DOK6: variants seen among roughly 807,000 people sequenced by gnomAD.
DOK6 encodes docking protein 6.
Under a neutral mutation model 44.0 loss-of-function variants are expected in DOK6, and 22 were observed. The ratio of observed to expected loss-of-function variants is 0.50; its 90% CI spans 0.36 to 0.71. The LOEUF is 0.71. Ranked by LOEUF, DOK6 falls within the 30% of genes least tolerant of loss-of-function variation. The pLI, the probability that DOK6 is intolerant of heterozygous loss-of-function variation, is 0.00. For synonymous variants in DOK6, 166 were observed against 145.5 expected, an observed-to-expected ratio of 1.14 and a Z score of -1.01; for missense variants, 340 against 416.4, an observed-to-expected ratio of 0.82 and a Z score of 1.60.
In DOK6 at chr18:69,738,968, G is replaced by A; in HGVS notation, c.603G>A (p.Met201Ile). 1 of 1,613,904 alleles carries A rather than the reference G, an allele frequency of 6.2e-7. No individual in the cohort carries two copies. Among genetic ancestry groups the A allele is most frequent in the Non-Finnish European group, 8.5e-7 (1 of 1,179,840 alleles). Residue 201 changes from methionine (M) to isoleucine (I), a missense_variant, in exon 6 of 8, where the codon ATG becomes ATA. By Grantham distance (10) the Met-to-Ile change is conservative. Coordinates refer to ENST00000382713, the MANE Select transcript of DOK6 (RefSeq NM_152721.6). The part of the protein sequence containing the change: ...STWFTFESGR[M>I]CDTGEGLFTF... ...TTCCCTATCTCTATTCTCACAGAAT[G>A]TGTGACACAGGAGAAGGACTATTCA...
At chr18:69,603,159 G>T (rs1338242464) in intron 3 of DOK6, among the ~76,000 whole-genome samples, 4 of 152,150 alleles carry the variant, frequency 2.6e-5, no homozygotes, top group Non-Finnish European at 4.4e-5. Flanking sequence ...GGTCATTTTA[G>T]AATACTGTTT....
At chr18:69,658,121 A>T (rs1198285766) in intron 3 of DOK6, among the ~76,000 whole-genome samples, 1 of 150,932 alleles carries the variant, frequency 6.6e-6, no homozygotes, top group Non-Finnish European at 1.5e-5. Context: ...CTGATTTTTT[A>T]ATTCGTCATT....
At chr18:69,814,001 C>T (rs934572162) in intron 7 of DOK6, among the ~76,000 whole-genome samples, 1 of 151,872 alleles carries the variant, frequency 6.6e-6, no homozygotes, top group Non-Finnish European at 1.5e-5. Flanking sequence ...AAGCATGTGA[C>T]CTGCCACCAA....
chr18:69,730,620 A>G (rs1407156428), intron 5 of DOK6, among the ~76,000 whole-genome samples: 1 of 152,214 alleles, frequency 6.6e-6, no homozygotes, highest in Admixed American at 6.5e-5. Context: ...TGTTTTAAGA[A>G]ATACAATCTA....
At chr18:69,671,852 T>A (rs1235024925) in intron 3 of DOK6, among the ~76,000 whole-genome samples, 1 of 152,238 alleles carries the variant, frequency 6.6e-6, no homozygotes, top group Non-Finnish European at 1.5e-5. Flanking sequence ...CATTTCCATA[T>A]CCAGGTGCAG....
At chr18:69,442,075 T>A (rs1277233247) in intron 1 of DOK6, among the ~76,000 whole-genome samples, 1 of 152,172 alleles carries the variant, frequency 6.6e-6, no homozygotes, top group Non-Finnish European at 1.5e-5. Context: ...GTACCAATCC[T>A]GCATAATTAA....
rs560376595 is a variant in DOK6, at chr18:69,799,350, C to T, written c.856+41477C>T. Among the ~76,000 whole-genome samples, 175 of 152,068 alleles carry T rather than the reference C, an allele frequency of 1.2e-3. 2 individuals carry two copies. Among genetic ancestry groups the T allele is most frequent in the Middle Eastern group, 3.4e-3 (1 of 294 alleles). On this transcript the variant is annotated intron_variant, in intron 7 of 7. Coordinates refer to ENST00000382713, the MANE Select transcript of DOK6 (RefSeq NM_152721.6). ...ATTAAATATTTGAAATTTAGGAACA[C>T]CTAACCTCATTTTGTAAATGAGATT...
chr18:69,563,590 GA>G (rs763924117), intron 1 of DOK6, among the ~76,000 whole-genome samples: 1 of 142,462 alleles, frequency 7.0e-6, no homozygotes, highest in African/African-American at 2.6e-5. Flanking sequence ...TCATAGGTGG[GA>G]ATTGAACAAT....
rs1328417586 is a variant in DOK6, at chr18:69,545,351, AT to A, written c.67-19134del. Among the ~76,000 whole-genome samples, 10 of 150,192 alleles carry A rather than the reference AT, an allele frequency of 6.7e-5. No individual in the cohort carries two copies. In the Admixed American group the frequency reaches 6.7e-4, roughly 10 times the overall value. The stretch of plus-strand genomic sequence containing the variant: ...TACTCTACAACTAGTTTTCATTCTT[AT>A]TGTAATGATGACAGTTTCACACTGT... On this transcript the variant is annotated intron_variant, in intron 1 of 7. Transcript: ENST00000382713.
At chr18:69,759,213 G>C (rs530053615) in intron 7 of DOK6, among the ~76,000 whole-genome samples, 19 of 152,284 alleles carry the variant, frequency 1.2e-4, no homozygotes, top group African/African-American at 4.1e-4. Flanking sequence ...GAGAAGACGA[G>C]TATCTTATGC....
At chr18:69,836,488 G>GTT (rs56067551) in intron 7 of DOK6, among the ~76,000 whole-genome samples, 1 of 148,566 alleles carries the variant, frequency 6.7e-6, no homozygotes, top group African/African-American at 2.5e-5. Context: ...AATGTGATAT[G>GTT]TTTTTTTTTT....
intron 1 of DOK6, among the ~76,000 whole-genome samples, chr18:69,505,542 G>A (rs988540026): frequency 6.6e-5 from 8 of 120,724 alleles, no homozygotes; most frequent in Non-Finnish European, 1.1e-4. Context: ...CTGTCACCCC[G>A]GCTGGAGTGC....
chr18:69,448,437 T>C (rs1161367003), intron 1 of DOK6, among the ~76,000 whole-genome samples: 1 of 152,188 alleles, frequency 6.6e-6, no homozygotes, highest in Non-Finnish European at 1.5e-5. Flanking sequence ...AATGGCGCGT[T>C]CTCAGCTCAC....
intron 4 of DOK6, among the ~76,000 whole-genome samples, chr18:69,678,903 C>T (rs1985984681): frequency 6.6e-6 from 1 of 152,100 alleles, no homozygotes; most frequent in African/African-American, 2.4e-5. Context: ...CTGGGCCAGG[C>T]GTGGTGGCTC....
At chr18:69,491,910 G>A (rs12964641) in intron 1 of DOK6, among the ~76,000 whole-genome samples, 27,996 of 152,088 alleles carry the variant, frequency 0.18, 2,938 homozygotes, top group Non-Finnish European at 0.24. Flanking sequence ...AGACATTACC[G>A]CTGAGTAAAT....
chr18:69,483,246 A>G (rs946176524), intron 1 of DOK6, among the ~76,000 whole-genome samples: 3 of 151,974 alleles, frequency 2.0e-5, no homozygotes, highest in African/African-American at 7.3e-5. Flanking sequence ...TCAGCCCAAA[A>G]GCTTCTTAAG....
At chr18:69,797,044 G>A (rs60429075) in intron 7 of DOK6, among the ~76,000 whole-genome samples, 29,615 of 152,032 alleles carry the variant, frequency 0.19, 3,065 homozygotes, top group East Asian at 0.28. Flanking sequence ...TTTCTTTGAA[G>A]TTAATCGATT....
At chr18:69,783,238 C>T (rs1980330492) in intron 7 of DOK6, among the ~76,000 whole-genome samples, 1 of 152,204 alleles carries the variant, frequency 6.6e-6, no homozygotes, top group African/African-American at 2.4e-5. Context: ...GCATCCAGTA[C>T]AATAACCATT....
intron 3 of DOK6, among the ~76,000 whole-genome samples, chr18:69,625,970 A>T (rs768493967): frequency 1.6e-4 from 24 of 152,184 alleles, no homozygotes; most frequent in Non-Finnish European, 2.9e-4. Flanking sequence ...ATATGGTCTG[A>T]TCCCTATATT....
Sources: gnomAD v4.1 joint callset for allele counts (sites outside exome capture counted in the v4.1 genomes callset) on GRCh38, gnomAD v4.1.1 for gene constraint, MANE v1.5 for transcripts, NCBI Gene and HGNC (gene_info 2026-07-23, HGNC 2026-07-21) for gene names.